The following SLC35D1 variants were observed in gnomAD, a reference collection of about 807,000 sequenced individuals.
The protein encoded by SLC35D1 is nucleotide sugar transporter SLC35D1.
Under a neutral mutation model 46.7 loss-of-function variants are expected in SLC35D1, and 31 were observed. That is an observed-to-expected ratio of 0.66 (90% CI 0.50 to 0.90). SLC35D1 has a LOEUF of 0.90. Ranked by LOEUF, SLC35D1 falls within the 40% of genes least tolerant of loss-of-function variation. The pLI, the probability that SLC35D1 is intolerant of heterozygous loss-of-function variation, is 0.00. For missense variants in SLC35D1, 397 were observed against 426.2 expected (o/e 0.93, Z 0.60); for synonymous variants, 195 against 164.6 (o/e 1.18, Z -1.41).
At chr1:67,037,499 AC>A (rs11333391) in intron 8 of SLC35D1, among the ~76,000 whole-genome samples, 17,499 of 152,114 alleles carry the variant, frequency 0.12, 2,432 homozygotes, top group African/African-American at 0.34. Flanking sequence ...GTCTTGGTAA[AC>A]AGTCTCAGGC....
the SLC35D1 span, among the ~76,000 whole-genome samples, chr1:66,991,803 T>TAA: frequency 2.0e-5 from 3 of 152,158 alleles, no homozygotes; most frequent in African/African-American, 7.2e-5. Context: ...GCTTTTTTTT[T>TAA]TATATCATAC....
At chr1:67,017,412 T>C (rs1052184917) in intron 10 of SLC35D1, among the ~76,000 whole-genome samples, 1 of 152,194 alleles carries the variant, frequency 6.6e-6, no homozygotes, top group African/African-American at 2.4e-5. Flanking sequence ...GTTTCCAAAC[T>C]AACATTTTCA....
chr1:67,042,643 T>TAC (rs137889949), intron 7 of SLC35D1, among the ~76,000 whole-genome samples: 76 of 151,814 alleles, frequency 5.0e-4, no homozygotes, highest in Admixed American at 2.4e-3. Context: ...TTTGAACACA[T>TAC]ACACACACAC....
In SLC35D1 at chr1:67,001,107, T is replaced by A. The variant is rs1218243164; in HGVS notation, c.*3233A>T. 6.6e-6 allele frequency: 1 copy of A among 152,410 alleles called. No individual in the cohort carries two copies. 9.4% of individuals were successfully genotyped at this position (152,410 alleles called of 1,614,324 possible). A position where few individuals can be genotyped will look rare whatever the true frequency, so the allele number is the denominator to read the frequency against. ...TTTTTTCCAGAGCTTAGCAAAATAC[T>A]TGGCATACAAGAGCTGCTCACTAAG... On this transcript the variant is annotated 3_prime_UTR_variant, in exon 12 of 12. Transcript: ENST00000235345.
the SLC35D1 span, among the ~76,000 whole-genome samples, chr1:66,993,691 CATGCTTGTTTCA>C: frequency 6.6e-6 from 1 of 152,088 alleles, no homozygotes; most frequent in Non-Finnish European, 1.5e-5. Context: ...GAAACTTTCC[CATGCTTGTTTCA>C]CCTCTAAAAC....
chr1:67,032,107 G>C (rs931942831), intron 8 of SLC35D1: 2 of 985,100 alleles, frequency 2.0e-6, no homozygotes, highest in African/African-American at 3.5e-5. Context: ...ACTGGTAGCT[G>C]TGATTACAGA....
chr1:66,979,671 GATA>G, the SLC35D1 span, among the ~76,000 whole-genome samples: 17 of 152,000 alleles, frequency 1.1e-4, no homozygotes, highest in Admixed American at 9.2e-4. Context: ...AGGAAACAAT[GATA>G]ATAATAATTA....
At chr1:66,997,485 A>G (rs1172749674), downstream of SLC35D1, among the ~76,000 whole-genome samples, 1 of 140,470 alleles carries the variant, frequency 7.1e-6, no homozygotes, top group Non-Finnish European at 1.5e-5. Flanking sequence ...CCTGGGTGAC[A>G]GAGTGAGACC....
In SLC35D1 at chr1:67,047,377, A is replaced by G. The variant is rs745418138; in HGVS notation, c.534-10T>C. 2.5e-6 allele frequency: 4 copies of G among 1,605,094 alleles called. No individual in the cohort carries two copies. The highest frequency in any genetic ancestry group is 2.7e-5 in the African/African-American group (2 of 74,932). ...AAATGCCAAGTCAGAGCTGCAAAAC[A>G]TAAGCAACACTTTAAGAACAACTTA... is the stretch of plus-strand genomic sequence containing the variant. On this transcript the variant is annotated splice_polypyrimidine_tract_variant and intron_variant, in intron 6 of 11. Coordinates refer to ENST00000235345, the MANE Select transcript of SLC35D1 (RefSeq NM_015139.3).
the SLC35D1 span, chr1:66,986,337 A>G: frequency 1.3e-6 from 2 of 1,565,196 alleles, no homozygotes; most frequent in Non-Finnish European, 1.7e-6. Context: ...AGTTTTATAT[A>G]GCTGATAGAC....
chr1:67,053,893 G>C lies in SLC35D1; in HGVS notation c.121C>G (p.Leu41Val), dbSNP rs1214169038. Residue 41 changes from leucine (L) to valine (V), a missense_variant, in exon 1 of 12, where the codon CTG (leucine) becomes GTG (valine). Physicochemically the swap from Leu to Val is conservative, Grantham distance 32. Coordinates refer to ENST00000235345, the MANE Select transcript of SLC35D1 (RefSeq NM_015139.3). The stretch of plus-strand genomic sequence containing the variant: ...TAAAAGCCGGCGGCCAGCAGCTTCA[G>C]AAACACGGTCAGCGTTTCGGCCGAC... Reference protein sequence around the residue: ...MASAETLTVFLKLLAAGFYGV... With the variant: ...MASAETLTVFVKLLAAGFYGV... 1.9e-6 allele frequency: 3 copies of C among 1,613,710 alleles called. No homozygotes were observed. The highest frequency in any genetic ancestry group is 1.6e-4 in the Middle Eastern group (1 of 6,084).
At chr1:67,049,983 T>C in intron 5 of SLC35D1, 133 bp from the exon 6 acceptor site, 1 of 730,596 alleles carries the variant, frequency 1.4e-6, no homozygotes. Context: ...GAGAAACTGA[T>C]ATTTAAAAGA....
chr1:66,973,016 G>C, the SLC35D1 span: 1 of 1,354,322 alleles, frequency 7.4e-7, no homozygotes, highest in African/African-American at 1.4e-5. Flanking sequence ...TCTCTTTTTT[G>C]CAAAAAGAAA....
Position 67,008,973 on chromosome 1 carries a change from CAT to C in SLC35D1, c.959+110_959+111del, listed in dbSNP as rs754413055. The C allele has an allele frequency of 1.5e-3, 876 of 575,502 alleles. 5 individuals carry two copies. The highest frequency in any genetic ancestry group is 2.3e-3 in the Non-Finnish European group (707 of 307,534). The allele number at this position is 575,502 out of a possible 1,614,324, so 35.6% of individuals were successfully genotyped here. A position where few individuals can be genotyped will look rare whatever the true frequency, so the allele number is the denominator to read the frequency against. On this transcript the variant is annotated intron_variant, in intron 11 of 11. Transcript: ENST00000235345. Reference sequence around the variant, plus strand: ...TATGTAGCACATAGAAGGCACTCCACATATGTTTAATAATGAATAAATGTTCC... The same window carrying C: ...TATGTAGCACATAGAAGGCACTCCACATGTTTAATAATGAATAAATGTTCC...
chr1:66,998,413 C>T (rs943066632), downstream of SLC35D1, among the ~76,000 whole-genome samples: 28 of 152,004 alleles, frequency 1.8e-4, no homozygotes, highest in Admixed American at 7.9e-4. Flanking sequence ...CGCTTGAACC[C>T]GGGAAGTAGA....
chr1:66,977,567 A>T, the SLC35D1 span, among the ~76,000 whole-genome samples: 1 of 152,146 alleles, frequency 6.6e-6, no homozygotes, highest in African/African-American at 2.4e-5. Context: ...TCCATTCTTT[A>T]TGTAAAATGT....
At chr1:67,034,457 T>A (rs1056173394) in intron 8 of SLC35D1, among the ~76,000 whole-genome samples, 1 of 152,244 alleles carries the variant, frequency 6.6e-6, no homozygotes, top group Non-Finnish European at 1.5e-5. Flanking sequence ...GTAGCTATTA[T>A]AAATGTAATT....
chr1:67,019,531 T>C (rs1667755092), intron 10 of SLC35D1, among the ~76,000 whole-genome samples: 1 of 152,230 alleles, frequency 6.6e-6, no homozygotes, highest in South Asian at 2.1e-4. Context: ...CACCACTCTA[T>C]TGAGACTACA....
At chr1:67,035,319 T>C (rs1668101291) in intron 8 of SLC35D1, among the ~76,000 whole-genome samples, 1 of 152,148 alleles carries the variant, frequency 6.6e-6, no homozygotes, top group African/African-American at 2.4e-5. Flanking sequence ...AGTGAAGCCA[T>C]ATCCAGGCTT....
Sources: allele counts gnomAD v4.1 joint callset (sites outside exome capture counted in the v4.1 genomes callset), GRCh38; gene constraint gnomAD v4.1.1; transcripts MANE v1.5; gene names NCBI Gene and HGNC (gene_info 2026-07-23, HGNC 2026-07-21).